SLAIN2: variants seen among roughly 807,000 people sequenced by gnomAD.
The protein encoded by SLAIN2 is SLAIN motif-containing protein 2.
In SLAIN2, 31 loss-of-function variants were observed where a neutral mutation model predicts 56.6. That is an observed-to-expected ratio of 0.55 (90% CI 0.41 to 0.74). The LOEUF is 0.74. SLAIN2 is among the 30% of genes least tolerant of loss of function. The pLI, the probability that SLAIN2 is intolerant of heterozygous loss-of-function variation, is 0.00. For missense variants in SLAIN2, 777 were observed against 754.2 expected, an observed-to-expected ratio of 1.03 and a Z score of -0.35; for synonymous variants, 317 against 284.9, an observed-to-expected ratio of 1.11 and a Z score of -1.13.
intron 5 of SLAIN2, among the ~76,000 whole-genome samples, chr4:48,383,385 ATTG>A (rs1716020649): frequency 6.6e-6 from 1 of 151,968 alleles, no homozygotes; most frequent in Admixed American, 6.6e-5. Context: ...TTTTTGCTTT[ATTG>A]TTTTATGAAG....
intron 6 of SLAIN2, among the ~76,000 whole-genome samples, chr4:48,412,835 C>T (rs1716897971): frequency 1.3e-5 from 2 of 152,074 alleles, no homozygotes; most frequent in South Asian, 4.1e-4. Flanking sequence ...TCAGCAATTG[C>T]CATTTTTATA....
chr4:48,381,842 A>G (rs2109762267), intron 4 of SLAIN2, among the ~76,000 whole-genome samples: 1 of 152,238 alleles, frequency 6.6e-6, no homozygotes, highest in South Asian at 2.1e-4. Flanking sequence ...TTGTTTCTTC[A>G]TTGACTATGT....
At chr4:48,404,321 A>G (rs1007957696) in intron 6 of SLAIN2, among the ~76,000 whole-genome samples, 8 of 152,160 alleles carry the variant, frequency 5.3e-5, no homozygotes, top group African/African-American at 1.7e-4. Flanking sequence ...GAATTTTGTG[A>G]TTACCTAGGA....
intron 6 of SLAIN2, chr4:48,394,579 C>T (rs1716328422): frequency 1.4e-5 from 21 of 1,535,762 alleles, no homozygotes; most frequent in South Asian, 7.1e-5. Context: ...TCAACAGCTT[C>T]GCAAAGGCTG....
chr4:48,351,936 A>T (rs1715017914), intron 1 of SLAIN2, among the ~76,000 whole-genome samples: 1 of 152,232 alleles, frequency 6.6e-6, no homozygotes, highest in African/African-American at 2.4e-5. Context: ...TGTGAGAATC[A>T]ACAAGTTTAG....
Position 48,342,048 on chromosome 4 carries a change from C to A in SLAIN2, c.309C>A (p.Gly103=). The A allele has an allele frequency of 7.2e-7, 1 of 1,392,044 alleles. No individual in the cohort carries two copies. The allele number at this position is 1,392,044 out of a possible 1,614,324, so 86.2% of individuals were successfully genotyped here. A position where few individuals can be genotyped will look rare whatever the true frequency, so the allele number is the denominator to read the frequency against. ...CCTCCTTGCTAGCGGCGGGCGAGGG[C>A]GGCTTGCTGGACGAGGTGGAGCCGC... The part of the protein sequence containing the change: ...DATSLLAAGE[G]GLLDEVEPLR... The change falls in exon 1 of 8, where the codon GGC becomes GGA. Residue 103 remains glycine, a synonymous_variant. Transcript: ENST00000264313.
intron 6 of SLAIN2, among the ~76,000 whole-genome samples, chr4:48,404,813 T>A (rs1220426443): frequency 2.0e-5 from 3 of 152,222 alleles, no homozygotes; most frequent in African/African-American, 7.2e-5. Flanking sequence ...AGGTCACCTG[T>A]ATCCAATCAA....
At chr4:48,414,548 GTATT>G (rs1236136482) in intron 6 of SLAIN2, among the ~76,000 whole-genome samples, 1 of 101,482 alleles carries the variant, frequency 9.9e-6, no homozygotes, top group African/African-American at 3.3e-5. Flanking sequence ...AATTGGTGTG[GTATT>G]TTTTTTTTTT....
At chr4:48,397,933 C>G (rs1716451844) in intron 6 of SLAIN2, among the ~76,000 whole-genome samples, 1 of 152,148 alleles carries the variant, frequency 6.6e-6, no homozygotes, top group African/African-American at 2.4e-5. Flanking sequence ...GATTGCATGT[C>G]TTTGCTGTTG....
chr4:48,358,814 G>A (rs10003458), intron 1 of SLAIN2, among the ~76,000 whole-genome samples: 42,652 of 151,460 alleles, frequency 0.28, 6,308 homozygotes, highest in South Asian at 0.48. Context: ...TCCTCCTCCC[G>A]GGTTCAAGCG....
chr4:48,341,749 G>A lies in SLAIN2; in HGVS notation c.10G>A (p.Val4Ile). 1 of 1,533,614 alleles carries A rather than the reference G, an allele frequency of 6.5e-7. No homozygotes were observed. Among genetic ancestry groups the A allele is most frequent in the Non-Finnish European group, 8.8e-7 (1 of 1,140,176 alleles). Reference protein sequence around the residue: MEDVNSNVNADQEV... With the variant: MEDINSNVNADQEV... ...CGGCGGCGGGGCCGGGATGGAGGAC[G>A]TTAACTCCAACGTGAACGCGGACCA... is the stretch of plus-strand genomic sequence containing the variant. The change falls in exon 1 of 8, where the codon GTT (valine) becomes ATT (isoleucine). Residue 4 changes from valine (V) to isoleucine (I), a missense_variant. Val to Ile is a conservative substitution (Grantham distance 29). Transcript: ENST00000264313.
chr4:48,362,707 C>T (rs1220036665), intron 1 of SLAIN2, among the ~76,000 whole-genome samples: 2 of 149,396 alleles, frequency 1.3e-5, no homozygotes, highest in Non-Finnish European at 3.0e-5. Context: ...GTGTGAGCCA[C>T]CATGCCAGGC....
chr4:48,377,946 A>G lies in SLAIN2; in HGVS notation c.589A>G (p.Thr197Ala). ...TAATCCTTTCAACTCTATGAGTTAC[A>G]CCAGTCCTTACAGTCCAAATGCCAG... ...YNNPFNSMSY[T>A]SPYSPNASSP... is the part of the protein sequence containing the mutation. Residue 197 changes from threonine to alanine, a missense_variant, in exon 3 of 8, where the codon ACC becomes GCC. Transcript: ENST00000264313. 6.2e-7 allele frequency: 1 copy of G among 1,613,936 alleles called. No homozygotes were observed. Among genetic ancestry groups the G allele is most frequent in the Non-Finnish European group, 8.5e-7 (1 of 1,179,876 alleles).
intron 4 of SLAIN2, 35 bp from the exon 5 acceptor site, chr4:48,382,533 A>G: frequency 6.9e-7 from 1 of 1,439,130 alleles, no homozygotes; most frequent in Non-Finnish European, 9.2e-7. Flanking sequence ...ATGTTTAAAA[A>G]TATTGTTTAA....
chr4:48,347,737 T>C (rs1260552947), intron 1 of SLAIN2, among the ~76,000 whole-genome samples: 5 of 152,226 alleles, frequency 3.3e-5, no homozygotes, highest in African/African-American at 1.2e-4. Context: ...TCTTCCTCAA[T>C]TGAAACTGTG....
intron 1 of SLAIN2, among the ~76,000 whole-genome samples, chr4:48,362,750 C>CTTT (rs66847310): frequency 2.1e-5 from 2 of 93,256 alleles, no homozygotes; most frequent in African/African-American, 4.1e-5. Context: ...TTTTTTTATT[C>CTTT]TTTTTTTTTT....
At chr4:48,385,945 T>TG (rs543995511) in intron 6 of SLAIN2, among the ~76,000 whole-genome samples, 2 of 151,910 alleles carry the variant, frequency 1.3e-5, no homozygotes, top group African/African-American at 4.8e-5. Context: ...AAAAAATGTT[T>TG]TTTTTTTTTT....
intron 1 of SLAIN2, among the ~76,000 whole-genome samples, chr4:48,353,950 C>T (rs757341477): frequency 1.3e-5 from 2 of 152,064 alleles, no homozygotes; most frequent in African/African-American, 2.4e-5. Flanking sequence ...GACATTGGCT[C>T]AAAAATTTTC....
intron 1 of SLAIN2, among the ~76,000 whole-genome samples, chr4:48,365,973 C>G (rs1403832344): frequency 2.0e-5 from 3 of 152,204 alleles, no homozygotes; most frequent in Non-Finnish European, 2.9e-5. Flanking sequence ...TTTCTCTAAG[C>G]ACTTTTTTAG....
Sources: allele counts gnomAD v4.1 joint callset (sites outside exome capture counted in the v4.1 genomes callset), GRCh38; gene constraint gnomAD v4.1.1; transcripts MANE v1.5; gene names NCBI Gene and HGNC (gene_info 2026-07-23, HGNC 2026-07-21).